Variants in MIS18BP1 observed in about 807,000 individuals in gnomAD.
MIS18BP1 encodes mis18-binding protein 1.
Under a neutral mutation model 116.1 loss-of-function variants are expected in MIS18BP1, and 72 were observed. That is an observed-to-expected ratio of 0.62 (90% CI 0.51 to 0.75). The LOEUF is 0.75. Ranked by LOEUF, MIS18BP1 falls within the 30% of genes least tolerant of loss-of-function variation. The pLI, the probability that MIS18BP1 is intolerant of heterozygous loss-of-function variation, is 0.00. For synonymous variants in MIS18BP1, 386 were observed against 427.0 expected (o/e 0.90, Z 1.18); for missense variants, 1,363 against 1,303.2 (o/e 1.05, Z -0.71).
chr14:45,213,721 T>C (rs1055154255), intron 13 of MIS18BP1, among the ~76,000 whole-genome samples: 1 of 152,054 alleles, frequency 6.6e-6, no homozygotes, highest in Non-Finnish European at 1.5e-5. Flanking sequence ...GTGTTAACCA[T>C]TGTGGGGAAA....
At chr14:45,205,709 TCTTA>T (rs1359679944) in intron 15 of MIS18BP1, among the ~76,000 whole-genome samples, 21 of 152,326 alleles carry the variant, frequency 1.4e-4, no homozygotes, top group Middle Eastern at 3.4e-3. Flanking sequence ...TGATGAAATT[TCTTA>T]CTTTATGAGA....
chr14:45,223,968 A>G lies in MIS18BP1; in HGVS notation c.2619T>C (p.Gly873=). ...CATTCCATTCCTTATCCTGAATTAA[A>G]CCAGGTAAGCATTCTAAGGGATGCC... is the stretch of plus-strand genomic sequence containing the variant. ...TNRHPLECLP[G]LIQDKEWNEK... The change falls in exon 11 of 17, where the codon GGT becomes GGC. Residue 873 remains glycine (G), a synonymous_variant. Transcript: ENST00000310806. 1 of 1,602,576 alleles carries G rather than the reference A, an allele frequency of 6.2e-7. No individual in the cohort carries two copies. The highest frequency in any genetic ancestry group is 1.3e-5 in the African/African-American group (1 of 74,198).
rs557576160 is a variant in MIS18BP1 at position 45,221,880 on chromosome 14, C to T, written c.2669+2038G>A. 3.2e-4 allele frequency among the ~76,000 whole-genome samples: 49 copies of T among 152,196 alleles called. No homozygotes were observed. The South Asian group carries it at 7.5e-3, about 23-fold the overall frequency. On this transcript the variant is annotated intron_variant, in intron 11 of 16. Coordinates refer to ENST00000310806, the MANE Select transcript of MIS18BP1 (RefSeq NM_018353.5). ...ATTTGACTATCCTTGTAGTTTAGTC[C>T]GCTGCTTTCACTTGTCAGTTTTTAA...
At position 45,206,127 on chromosome 14, in the gene MIS18BP1, T is replaced by C. The variant is rs201021306; in HGVS notation, c.3196A>G (p.Lys1066Glu). 1 of 1,609,480 alleles carries C rather than the reference T, an allele frequency of 6.2e-7. No homozygotes were observed. Among genetic ancestry groups the C allele is most frequent in the East Asian group, 2.2e-5 (1 of 44,750 alleles). ...KYVFRMQKYHKSNGGIVWGNI... is the reference protein window; with the variant it reads ...KYVFRMQKYHESNGGIVWGNI... Reference sequence around the variant, plus strand: ...CCCCAGACAATACCACCATTACTTTTATGATATTTTTGCATACGAAAAACA... The same window carrying C: ...CCCCAGACAATACCACCATTACTTTCATGATATTTTTGCATACGAAAAACA... The change falls in exon 15 of 17, where the codon AAA becomes GAA. Residue 1066 changes from lysine to glutamate, a missense_variant. By Grantham distance (56) the Lys-to-Glu change is moderately conservative. Coordinates refer to ENST00000310806, the MANE Select transcript of MIS18BP1 (RefSeq NM_018353.5).
At chr14:45,238,255 A>C (rs768477109) in intron 4 of MIS18BP1, among the ~76,000 whole-genome samples, 3 of 152,094 alleles carry the variant, frequency 2.0e-5, no homozygotes, top group South Asian at 2.1e-4. Context: ...TTATTATCTT[A>C]CTACAAGTAA....
Position 45,203,440 on chromosome 14 carries a change from T to C in MIS18BP1, c.*669A>G, listed in dbSNP as rs1211233505. The C allele has an allele frequency of 6.6e-6, 1 of 152,146 alleles. No homozygotes were observed. The highest frequency in any genetic ancestry group is 1.9e-4 in the East Asian group (1 of 5,202). 9.4% of individuals were successfully genotyped at this position (152,146 alleles called of 1,614,324 possible). On this transcript the variant is annotated 3_prime_UTR_variant, in exon 17 of 17. Coordinates refer to ENST00000310806, the MANE Select transcript of MIS18BP1 (RefSeq NM_018353.5). ...AATATTTAAGCTGTTTCTGCATATG[T>C]AAATAAGGCTTAAAAATTAGAGAAC...
chr14:45,232,178 A>T (rs572837377), intron 7 of MIS18BP1, among the ~76,000 whole-genome samples: 1 of 152,160 alleles, frequency 6.6e-6, no homozygotes, highest in Non-Finnish European at 1.5e-5. Context: ...GCACTTTGGG[A>T]GGCCAAGGTG....
intron 7 of MIS18BP1, among the ~76,000 whole-genome samples, chr14:45,232,142 C>T (rs539361073): frequency 3.9e-5 from 6 of 152,100 alleles, no homozygotes; most frequent in East Asian, 1.9e-4. Context: ...TTCAGGCGGG[C>T]GCGGTGTCTC....
chr14:45,224,775 C>T, intron 10 of MIS18BP1, 29 bp from the exon 11 acceptor site: 1 of 1,448,578 alleles, frequency 6.9e-7, no homozygotes, highest in Non-Finnish European at 9.3e-7. Flanking sequence ...AAACCAAAGA[C>T]CAAAATCTCA....
rs1366965819 is a variant in MIS18BP1, at chr14:45,224,537, G to A, written c.2050C>T (p.Pro684Ser). ...ATGGGACTTTTTTTTTGACACTCTG[G>A]TATTACAAAATCTGTTACTGCTTTG... ...TIKAVTDFVI[P>S]ECQKKSPISK... Residue 684 changes from proline (P) to serine (S), a missense_variant, in exon 11 of 17, where the codon CCA (proline) becomes TCA (serine). By Grantham distance (74) the Pro-to-Ser change is moderately conservative. Coordinates refer to ENST00000310806, the MANE Select transcript of MIS18BP1 (RefSeq NM_018353.5). The A allele has an allele frequency of 1.9e-5, 30 of 1,612,258 alleles. No homozygotes were observed. Among genetic ancestry groups the A allele is most frequent in the Non-Finnish European group, 2.5e-5 (30 of 1,179,550 alleles).
chr14:45,210,614 T>G (rs1417014502), intron 13 of MIS18BP1, 86 bp from the exon 14 acceptor site: 1 of 1,497,302 alleles, frequency 6.7e-7, no homozygotes, highest in Non-Finnish European at 9.2e-7. Flanking sequence ...GACTGATAAG[T>G]TGGTTCTTCT....
At chr14:45,246,276 C>T (rs1418353132) in intron 2 of MIS18BP1, among the ~76,000 whole-genome samples, 2 of 152,192 alleles carry the variant, frequency 1.3e-5, no homozygotes, top group Non-Finnish European at 1.5e-5. Flanking sequence ...TTTATCCCTT[C>T]CTTCTGAGCT....
intron 4 of MIS18BP1, chr14:45,241,819 G>T: frequency 2.0e-6 from 1 of 491,632 alleles, no homozygotes; most frequent in Non-Finnish European, 3.5e-6. Flanking sequence ...GACTTAACAT[G>T]TGGGTCTTCT....
intron 13 of MIS18BP1, among the ~76,000 whole-genome samples, chr14:45,212,782 G>C (rs1272248770): frequency 1.3e-5 from 2 of 152,206 alleles, no homozygotes; most frequent in Admixed American, 6.5e-5. Context: ...CCCCTCCCAA[G>C]TGCTAGCACG....
At chr14:45,232,528 C>A in intron 7 of MIS18BP1, 1 of 527,274 alleles carries the variant, frequency 1.9e-6, no homozygotes, top group Non-Finnish European at 3.5e-6. Context: ...GGCACAGTGG[C>A]TCATGCCTGT....
intron 7 of MIS18BP1, among the ~76,000 whole-genome samples, chr14:45,232,174 T>C (rs1218900728): frequency 6.6e-6 from 1 of 152,040 alleles, no homozygotes; most frequent in Non-Finnish European, 1.5e-5. Flanking sequence ...CCCAGCACTT[T>C]GGGAGGCCAA....
At chr14:45,237,252 A>C (rs1248608579) in intron 5 of MIS18BP1, among the ~76,000 whole-genome samples, 1 of 152,202 alleles carries the variant, frequency 6.6e-6, no homozygotes, top group Non-Finnish European at 1.5e-5. Context: ...AGTTTTAAGT[A>C]ATTTTGATTC....
chr14:45,217,774 T>C (rs995900187), intron 12 of MIS18BP1, among the ~76,000 whole-genome samples: 3 of 152,132 alleles, frequency 2.0e-5, no homozygotes, highest in East Asian at 1.9e-4. Flanking sequence ...TGCCTCTACA[T>C]TGCCTCTTGC....
At position 45,231,239 on chromosome 14, in the gene MIS18BP1, C is replaced by T. The variant is rs189461933; in HGVS notation, c.1496G>A (p.Arg499His). 264 of 1,613,444 alleles carry T rather than the reference C, an allele frequency of 1.6e-4. 2 individuals are homozygous for T. The highest frequency in any genetic ancestry group is 8.3e-4 in the Middle Eastern group (5 of 6,058). The part of the protein sequence containing the change: ...KQKQKTGRSV[R>H]DIRKSMKNDA... ...ATTTTTCATTGATTTCCTTATGTCA[C>T]GGACAGATCTTCCAGTTTTCTGTTT... Residue 499 changes from arginine (R) to histidine (H), a missense_variant, in exon 8 of 17, where the codon CGT becomes CAT. Physicochemically the swap from Arg to His is conservative, Grantham distance 29. Transcript: ENST00000310806.
Sources: gnomAD v4.1 joint callset for allele counts (sites outside exome capture counted in the v4.1 genomes callset) on GRCh38, gnomAD v4.1.1 for gene constraint, MANE v1.5 for transcripts, NCBI Gene and HGNC (gene_info 2026-07-23, HGNC 2026-07-21) for gene names.